Variants in CUX1 observed in about 807,000 individuals in gnomAD.
The protein encoded by CUX1 is cut like homeobox 1.
CUX1 carries 31 observed loss-of-function variants against 158.8 expected under a neutral mutation model. That is an observed-to-expected ratio of 0.20 (90% CI 0.15 to 0.26). The LOEUF (loss-of-function observed/expected upper bound fraction) is 0.26. Ranked by LOEUF, CUX1 falls within the 10% of genes least tolerant of loss-of-function variation. The probability of loss-of-function intolerance (pLI) is 1.00; values close to 1 mark genes in which losing one functional copy is unlikely to be tolerated. For synonymous variants in CUX1, 879 were observed against 862.1 expected (o/e 1.02, Z -0.34); for missense variants, 1,589 against 2,014.6 (o/e 0.79, Z 4.04).
intron 3 of CUX1, among the ~76,000 whole-genome samples, chr7:102,051,654 C>CAAAAA (rs1299911064): frequency 2.8e-4 from 25 of 89,752 alleles, no homozygotes; most frequent in South Asian, 1.5e-3. Context: ...GACTCTGTCT[C>CAAAAA]AAAAAAAAAA....
chr7:101,833,097 G>C (rs752307604), intron 1 of CUX1, among the ~76,000 whole-genome samples: 1 of 152,026 alleles, frequency 6.6e-6, no homozygotes, highest in Admixed American at 6.6e-5. Context: ...AACGTGAAGC[G>C]TTCAAGGATC....
intron 8 of CUX1, among the ~76,000 whole-genome samples, chr7:102,138,482 C>T (rs571047069): frequency 6.6e-6 from 1 of 152,246 alleles, no homozygotes; most frequent in East Asian, 1.9e-4. Context: ...CTGCCTTGAG[C>T]CTCCTCTTGT....
At chr7:102,129,665 C>T (rs782381442) in intron 8 of CUX1, among the ~76,000 whole-genome samples, 3 of 152,156 alleles carry the variant, frequency 2.0e-5, no homozygotes, top group African/African-American at 4.8e-5. Context: ...GCCTGGGAAA[C>T]AGAGTGAGGC....
chr7:102,132,292 AGTGTGTGT>A (rs782562542), intron 8 of CUX1, among the ~76,000 whole-genome samples: 18 of 103,348 alleles, frequency 1.7e-4, no homozygotes, highest in Non-Finnish European at 7.5e-5. Flanking sequence ...TGAGAGAGAG[AGTGTGTGT>A]GTGTGTGTGC....
intron 2 of CUX1, among the ~76,000 whole-genome samples, chr7:102,001,327 T>C (rs1055625443): frequency 6.6e-6 from 1 of 151,660 alleles, no homozygotes; most frequent in African/African-American, 2.4e-5. Context: ...GTCTTTTAAC[T>C]GAAAAGCTCC....
chr7:102,283,125 C>A, exon 23 of CUX1: 1 of 1,542,384 alleles, frequency 6.5e-7, no homozygotes, highest in Non-Finnish European at 9.0e-7. Flanking sequence ...GTGACGGCTG[C>A]GCCTCCACCC....
At chr7:102,152,932 G>A (rs1225651013) in intron 8 of CUX1, among the ~76,000 whole-genome samples, 2 of 152,230 alleles carry the variant, frequency 1.3e-5, no homozygotes, top group Non-Finnish European at 2.9e-5. Context: ...GGTAAGTGCA[G>A]TCCTTGTTAT....
chr7:101,990,705 T>C (rs1814993365), intron 2 of CUX1, among the ~76,000 whole-genome samples: 1 of 152,052 alleles, frequency 6.6e-6, no homozygotes. Flanking sequence ...AACAAAAAAG[T>C]ACATGGGATA....
At chr7:102,144,972 C>G (rs1303719611) in intron 8 of CUX1, among the ~76,000 whole-genome samples, 1 of 151,442 alleles carries the variant, frequency 6.6e-6, no homozygotes, top group Non-Finnish European at 1.5e-5. Context: ...CCTGTAGTCC[C>G]AGCTACTCAG....
At chr7:102,060,602 CAAAT>C (rs772338460) in intron 3 of CUX1, among the ~76,000 whole-genome samples, 39 of 75,094 alleles carry the variant, frequency 5.2e-4, no homozygotes, top group African/African-American at 1.9e-3. Context: ...TACACACACA[CAAAT>C]AAACACACAC....
chr7:101,928,262 G>A (rs1223669147), intron 2 of CUX1, among the ~76,000 whole-genome samples: 1 of 151,966 alleles, frequency 6.6e-6, no homozygotes, highest in African/African-American at 2.4e-5. Flanking sequence ...TAGGGATTCA[G>A]AACAACCCAG....
intron 20 of CUX1, among the ~76,000 whole-genome samples, chr7:102,216,568 CCACA>C (rs1186856307): frequency 2.7e-5 from 2 of 73,054 alleles, no homozygotes; most frequent in South Asian, 5.4e-4. Flanking sequence ...ACACACACTC[CCACA>C]CACACACTCT....
At chr7:101,897,508 A>T (rs1423905228) in intron 1 of CUX1, among the ~76,000 whole-genome samples, 2 of 151,388 alleles carry the variant, frequency 1.3e-5, no homozygotes, top group Non-Finnish European at 1.5e-5. Flanking sequence ...TCTTAAAAAA[A>T]AAAAATAATA....
rs1183768027 is a variant in CUX1 at position 102,169,059 on chromosome 7, G to A, written c.724-1387G>A. Among the ~76,000 whole-genome samples the A allele has an allele frequency of 2.6e-5, 4 of 151,080 alleles. No individual in the cohort carries two copies. The East Asian group carries it at 7.7e-4, about 29-fold the overall frequency. On this transcript the variant is annotated intron_variant, in intron 9 of 23. Transcript: ENST00000292535. The stretch of plus-strand genomic sequence containing the variant: ...AGCGATTCTTCTGCCTCAGTCTCCC[G>A]AGTAGCTGGGATTACAGGCATGTGC...
chr7:102,009,486 T>A (rs1308582608), intron 2 of CUX1, among the ~76,000 whole-genome samples: 1 of 152,220 alleles, frequency 6.6e-6, no homozygotes, highest in African/African-American at 2.4e-5. Context: ...AGAGGTGGGA[T>A]CTTGCTATGT....
At chr7:102,213,036 G>T (rs1308445078) in intron 20 of CUX1, among the ~76,000 whole-genome samples, 1 of 152,074 alleles carries the variant, frequency 6.6e-6, no homozygotes, top group African/African-American at 2.4e-5. Flanking sequence ...TAGAGACGGG[G>T]TTTCACCATG....
At chr7:102,273,441 G>A (rs375278390) in exon 15 of CUX1, 16 of 1,613,150 alleles carry the variant, frequency 9.9e-6, no homozygotes, top group Admixed American at 5.0e-5. Context: ...CTGATCGCCC[G>A]CCTGGAGCAG....
intron 8 of CUX1, among the ~76,000 whole-genome samples, chr7:102,148,329 A>G (rs1380407904): frequency 6.6e-6 from 1 of 152,152 alleles, no homozygotes; most frequent in African/African-American, 2.4e-5. Context: ...ACCTGAGGTC[A>G]AGAGTTCGAG....
chr7:102,246,411 A>T (rs1446642340), intron 23 of CUX1, among the ~76,000 whole-genome samples: 1 of 152,134 alleles, frequency 6.6e-6, no homozygotes, highest in Non-Finnish European at 1.5e-5. Context: ...CAAGGTTCAG[A>T]GCTCACTGCA....
Sources: gnomAD v4.1 joint callset for allele counts (sites outside exome capture counted in the v4.1 genomes callset) on GRCh38, gnomAD v4.1.1 for gene constraint, MANE v1.5 for transcripts, NCBI Gene and HGNC (gene_info 2026-07-23, HGNC 2026-07-21) for gene names.